Variants in MCTP2 observed in about 807,000 individuals in gnomAD.
MCTP2 encodes multiple C2 and transmembrane domain containing 2, also known as multiple C2 and transmembrane domain-containing protein 2.
Under a neutral mutation model 111.6 loss-of-function variants are expected in MCTP2, and 132 were observed. That is an observed-to-expected ratio of 1.18 (90% CI 1.03 to 1.37). The LOEUF (loss-of-function observed/expected upper bound fraction) is 1.37, where lower values mean the gene tolerates loss of function less well. Among genes scored for constraint, MCTP2 ranks in the 40% most tolerant of loss-of-function variants. The pLI is 0.00. For missense variants in MCTP2, 1,183 were observed against 1,067.9 expected (o/e 1.11, Z -1.50); for synonymous variants, 395 against 387.7 (o/e 1.02, Z -0.22).
chr15:94,399,782 G>C (rs941794697), intron 15 of MCTP2, 139 bp from the exon 16 acceptor site: 1 of 705,018 alleles, frequency 1.4e-6, no homozygotes, highest in Non-Finnish European at 2.6e-6. Context: ...GGGCACAGGG[G>C]TGTCCACCAT....
chr15:94,377,959 A>G (rs1178256340), intron 12 of MCTP2, among the ~76,000 whole-genome samples: 1 of 152,142 alleles, frequency 6.6e-6, no homozygotes, highest in Non-Finnish European at 1.5e-5. Flanking sequence ...ACGAGAAGAC[A>G]GAAAGCAAAA....
Position 94,442,421 on chromosome 15 carries a change from G to A in MCTP2, c.2209-498G>A, listed in dbSNP as rs1404145293. ...TGCCCCTTCTAACCCTAAACCCAGG[G>A]CAAAATAATAATGCCACAGAGAAAC... is the stretch of plus-strand genomic sequence containing the variant. On this transcript the variant is annotated intron_variant, in intron 18 of 22. Transcript: ENST00000357742. Among the ~76,000 whole-genome samples the A allele has an allele frequency of 2.0e-4, 31 of 152,068 alleles. 1 individual carries two copies. The highest frequency in any genetic ancestry group is 2.0e-3 in the Admixed American group (31 of 15,270).
intron 4 of MCTP2, among the ~76,000 whole-genome samples, chr15:94,334,121 A>G (rs2152394201): frequency 6.6e-6 from 1 of 152,332 alleles, no homozygotes; most frequent in Non-Finnish European, 1.5e-5. Context: ...GTGATACTAA[A>G]CATAGCATTC....
rs1555481313 is a variant in MCTP2, at chr15:94,464,257, T to TTATATATA, written c.2360+6026_2360+6033dup. Among the ~76,000 whole-genome samples, 36 of 44,948 alleles carry TTATATATA rather than the reference T, an allele frequency of 8.0e-4. 1 individual carries two copies. Among genetic ancestry groups the TTATATATA allele is most frequent in the African/African-American group, 1.9e-3 (32 of 16,688 alleles). 29.5% of individuals were successfully genotyped at this position (44,948 alleles called of 152,430 possible). A position where few individuals can be genotyped will look rare whatever the true frequency, so the allele number is the denominator to read the frequency against. ...TATATATAATATATATATATATATA[T>TTATATATA]TATATATATATATATATATATAAAC... On this transcript the variant is annotated intron_variant, in intron 20 of 22. Transcript: ENST00000357742.
intron 19 of MCTP2, among the ~76,000 whole-genome samples, chr15:94,455,963 A>G (rs1363136515): frequency 1.3e-5 from 2 of 152,220 alleles, no homozygotes; most frequent in African/African-American, 2.4e-5. Context: ...TGTCATTTTT[A>G]AATATCCAGA....
chr15:94,250,312 G>C (rs1321738600), intron 1 of MCTP2, among the ~76,000 whole-genome samples: 7 of 152,112 alleles, frequency 4.6e-5, no homozygotes, highest in Non-Finnish European at 1.0e-4. Context: ...TAGGCTTGTA[G>C]AACATTTATA....
chr15:94,342,981 CATATACAT>C, intron 7 of MCTP2: 1 of 148,590 alleles, frequency 6.7e-6, no homozygotes, highest in East Asian at 2.0e-4. Context: ...TATATGGATC[CATATACAT>C]ATATACACAT....
At chr15:94,301,090 A>C (rs1252075608) in intron 2 of MCTP2, among the ~76,000 whole-genome samples, 1 of 152,074 alleles carries the variant, frequency 6.6e-6, no homozygotes, top group Non-Finnish European at 1.5e-5. Context: ...TTCCCTTTTA[A>C]CGCAACCATT....
chr15:94,319,062 G>T (rs1281576049), intron 4 of MCTP2, among the ~76,000 whole-genome samples: 1 of 148,394 alleles, frequency 6.7e-6, no homozygotes, highest in Admixed American at 6.7e-5. Context: ...TTTCATTTTG[G>T]GGATGCTTTA....
At chr15:94,465,460 T>TTA (rs1289830907) in intron 20 of MCTP2, among the ~76,000 whole-genome samples, 1 of 152,122 alleles carries the variant, frequency 6.6e-6, no homozygotes, top group Non-Finnish European at 1.5e-5. Context: ...GTAATAAAAG[T>TTA]TATGTGAATG....
At chr15:94,443,240 C>T (rs1018805008) in intron 19 of MCTP2, among the ~76,000 whole-genome samples, 4 of 152,046 alleles carry the variant, frequency 2.6e-5, no homozygotes, top group Non-Finnish European at 4.4e-5. Context: ...TTAGCCTTCC[C>T]CTTTATAGAT....
rs936790806 is a variant in MCTP2, at chr15:94,349,475, C to G, written c.1005+4311C>G. On this transcript the variant is annotated intron_variant, in intron 8 of 22. Coordinates refer to ENST00000357742, the MANE Select transcript of MCTP2 (RefSeq NM_001385001.1). ...AATGAGAATTAGTGACGGAGGTATT[C>G]AAAGGGTGCAGTGAGACCATTATCC... Among the ~76,000 whole-genome samples, 4 of 152,154 alleles carry G rather than the reference C, an allele frequency of 2.6e-5. No homozygotes were observed. The South Asian group carries it at 8.3e-4, about 32-fold the overall frequency.
chr15:94,370,670 T>G (rs1161393894), intron 12 of MCTP2, among the ~76,000 whole-genome samples: 8 of 152,252 alleles, frequency 5.3e-5, no homozygotes, highest in African/African-American at 1.9e-4. Flanking sequence ...TATAGGAAGT[T>G]TCTCTTGGTG....
At chr15:94,309,226 A>T (rs1199585654) in intron 2 of MCTP2, among the ~76,000 whole-genome samples, 5 of 152,040 alleles carry the variant, frequency 3.3e-5, no homozygotes, top group Admixed American at 2.0e-4. Context: ...GAGCCGTCTG[A>T]TTCCTTTTGC....
chr15:94,330,692 A>G (rs1020308428), intron 4 of MCTP2, among the ~76,000 whole-genome samples: 9 of 152,052 alleles, frequency 5.9e-5, no homozygotes, highest in African/African-American at 2.2e-4. Flanking sequence ...TCACACCCTT[A>G]TTGGGGTGAC....
intron 1 of MCTP2, among the ~76,000 whole-genome samples, chr15:94,243,316 C>CGTACATACGTATGCGTATATGCGTAT (rs2071228891): frequency 3.1e-5 from 4 of 128,574 alleles, no homozygotes; most frequent in Admixed American, 1.7e-4. Context: ...CATACGTATG[C>CGTACATACGTATGCGTATATGCGTAT]GTACATACGT....
intron 1 of MCTP2, among the ~76,000 whole-genome samples, chr15:94,260,850 G>A (rs1324101854): frequency 6.6e-6 from 1 of 152,100 alleles, no homozygotes; most frequent in Non-Finnish European, 1.5e-5. Context: ...AGCCAGGCAT[G>A]CCTCATTATA....
chr15:94,339,373 G>GT lies in MCTP2; in HGVS notation c.722dup (p.Trp242MetfsTer3). The GT allele has an allele frequency of 6.2e-7, 1 of 1,612,494 alleles. No homozygotes were observed. Among genetic ancestry groups the GT allele is most frequent in the Non-Finnish European group, 8.5e-7 (1 of 1,179,050 alleles). Reference sequence around the variant, plus strand: ...AGTCATATATAAGAACTTGAACCCAGTATGGGATGAGATAGTTGTATTGCC... The same window carrying GT: ...AGTCATATATAAGAACTTGAACCCAGTTATGGGATGAGATAGTTGTATTGCC... On this transcript the variant is annotated frameshift_variant, in exon 5 of 23. Transcript: ENST00000357742. LOFTEE classifies it high-confidence loss of function.
At chr15:94,440,346 T>A in intron 18 of MCTP2, 48 bp downstream of exon 18, 1 of 1,608,014 alleles carries the variant, frequency 6.2e-7, no homozygotes, top group East Asian at 2.2e-5. Flanking sequence ...AGAAATGTGT[T>A]AACAACAAAC....
Sources: allele counts gnomAD v4.1 joint callset (sites outside exome capture counted in the v4.1 genomes callset), GRCh38; gene constraint gnomAD v4.1.1; transcripts MANE v1.5; gene names NCBI Gene and HGNC (gene_info 2026-07-23, HGNC 2026-07-21).